Variants in IREB2 observed in about 807,000 individuals in gnomAD.
The protein encoded by IREB2 is iron-responsive element-binding protein 2.
A neutral mutation model predicts 118.8 loss-of-function variants in IREB2; 39 were observed. That is an observed-to-expected ratio of 0.33 (90% CI 0.25 to 0.43). The LOEUF (loss-of-function observed/expected upper bound fraction) is 0.43. Among genes scored for constraint, IREB2 ranks in the 20% least tolerant of loss-of-function variants. The pLI is 1.00. For missense variants in IREB2, 900 were observed against 1,147.3 expected (o/e 0.78, Z 3.11); for synonymous variants, 372 against 392.2 (o/e 0.95, Z 0.61).
In IREB2 at chr15:78,500,154, T is replaced by C. The variant is rs899633198; in HGVS notation, c.*2011T>C. The C allele has an allele frequency of 6.6e-6, 1 of 152,114 alleles. No individual in the cohort carries two copies. 9.4% of individuals were successfully genotyped at this position (152,114 alleles called of 1,614,324 possible). A position where few individuals can be genotyped will look rare whatever the true frequency, so the allele number is the denominator to read the frequency against. On this transcript the variant is annotated 3_prime_UTR_variant, in exon 22 of 22. Coordinates refer to ENST00000258886, the MANE Select transcript of IREB2 (RefSeq NM_004136.4). The stretch of plus-strand genomic sequence containing the variant: ...TGTGAGCCACCACACCCGGCCTATA[T>C]TGTTTTGAAAGCATACTCTATATAT...
At chr15:78,477,962 C>G (rs1370572259) in intron 9 of IREB2, among the ~76,000 whole-genome samples, 1 of 151,662 alleles carries the variant, frequency 6.6e-6, no homozygotes, top group African/African-American at 2.4e-5. Context: ...TGGCTCATAC[C>G]CATAATTCCA....
At chr15:78,494,627 G>A (rs2051808798) in intron 20 of IREB2, among the ~76,000 whole-genome samples, 1 of 152,168 alleles carries the variant, frequency 6.6e-6, no homozygotes, top group African/African-American at 2.4e-5. Flanking sequence ...AGACTGGAGT[G>A]CAGTGGCGCA....
intron 10 of IREB2, among the ~76,000 whole-genome samples, chr15:78,479,028 C>T (rs770658667): frequency 7.1e-4 from 108 of 152,204 alleles, no homozygotes; most frequent in Admixed American, 5.2e-4. Flanking sequence ...GCCTCAACCT[C>T]TGTGCTCAAG....
chr15:78,501,330 T>G lies in IREB2; in HGVS notation c.*3187T>G, dbSNP rs989088435. The G allele has an allele frequency of 6.6e-6, 1 of 152,572 alleles. No homozygotes were observed. Among genetic ancestry groups the G allele is most frequent in the East Asian group, 1.9e-4 (1 of 5,190 alleles). 9.5% of individuals were successfully genotyped at this position (152,572 alleles called of 1,614,324 possible). A position where few individuals can be genotyped will look rare whatever the true frequency, so the allele number is the denominator to read the frequency against. On this transcript the variant is annotated 3_prime_UTR_variant, in exon 22 of 22. Transcript: ENST00000258886. ...AAAGCCAACAAAACAGTGTAACAGT[T>G]TTAAGTTCAATAATGTTAAGTATTG... is the stretch of plus-strand genomic sequence containing the variant.
intron 16 of IREB2, among the ~76,000 whole-genome samples, chr15:78,489,235 A>G (rs560008184): frequency 2.1e-4 from 32 of 152,028 alleles, no homozygotes; most frequent in African/African-American, 4.6e-4. Context: ...AAAAAAAAAA[A>G]AAAGAAAGAA....
chr15:78,488,093 A>C, intron 14 of IREB2, 87 bp from the exon 15 acceptor site: 1 of 1,293,972 alleles, frequency 7.7e-7, no homozygotes, highest in Non-Finnish European at 1.1e-6. Context: ...TCGCCCTCAG[A>C]CTTTAAGATT....
At chr15:78,482,004 G>C (rs905959443) in intron 10 of IREB2, among the ~76,000 whole-genome samples, 2 of 152,214 alleles carry the variant, frequency 1.3e-5, no homozygotes, top group Non-Finnish European at 2.9e-5. Flanking sequence ...CACTTTGGGA[G>C]GCTGAGGCGG....
chr15:78,465,158 CTTTTTAAAA>C, intron 3 of IREB2, 84 bp from the exon 4 acceptor site: 1 of 1,031,608 alleles, frequency 9.7e-7, no homozygotes, highest in Admixed American at 2.9e-5. Context: ...GACAGGGATA[CTTTTTAAAA>C]TATGAAAATG....
rs376486955 is a variant in IREB2, at chr15:78,498,040, C to G, written c.2789C>G (p.Thr930Ser). Residue 930 changes from threonine (T) to serine (S), a missense_variant, in exon 22 of 22, where the codon ACT becomes AGT. Thr to Ser is a moderately conservative substitution (Grantham distance 58). Transcript: ENST00000258886. ...PGITLNIQTS[T>S]GKVFSVIASF... is the part of the protein sequence containing the mutation. ...GTTTTTGCTCCTTTCAAGACAAGCA[C>G]TGGAAAAGTATTCAGCGTGATTGCT... The G allele has an allele frequency of 3.9e-5, 62 of 1,605,704 alleles. 1 individual carries two copies. Among genetic ancestry groups the G allele is most frequent in the East Asian group, 2.7e-4 (12 of 44,806 alleles).
chr15:78,496,311 A>C (rs1413476123), intron 20 of IREB2, among the ~76,000 whole-genome samples: 3 of 152,186 alleles, frequency 2.0e-5, no homozygotes, highest in Admixed American at 2.0e-4. Context: ...TCTGTCGTCC[A>C]GGCTGGAATG....
chr15:78,438,077 G>C, upstream of IREB2: 2 of 489,710 alleles, frequency 4.1e-6, no homozygotes, highest in Non-Finnish European at 7.4e-6. Context: ...CAGCGGCGAC[G>C]GCGCGAGAAA....
chr15:78,491,165 T>TA (rs1354557438), intron 18 of IREB2, among the ~76,000 whole-genome samples: 4 of 152,132 alleles, frequency 2.6e-5, no homozygotes, highest in African/African-American at 7.2e-5. Context: ...TTATGGGCTA[T>TA]AACATGTACG....
At chr15:78,446,998 T>C (rs1419011105) in intron 2 of IREB2, among the ~76,000 whole-genome samples, 1 of 152,164 alleles carries the variant, frequency 6.6e-6, no homozygotes, top group Non-Finnish European at 1.5e-5. Context: ...AAAAACTTTC[T>C]TCTACATTAA....
upstream of IREB2, chr15:78,437,850 G>A (rs1235997459): frequency 6.1e-6 from 1 of 163,474 alleles, no homozygotes; most frequent in Non-Finnish European, 1.4e-5. Context: ...TTTATAGTTA[G>A]GGGAAAGCGG....
chr15:78,482,770 C>A (rs1380189921), intron 10 of IREB2, among the ~76,000 whole-genome samples: 1 of 147,952 alleles, frequency 6.8e-6, no homozygotes, highest in East Asian at 2.0e-4. Context: ...TTTTTTGAGA[C>A]GGAGTCTCGC....
chr15:78,444,471 C>T (rs2050896055), intron 2 of IREB2, among the ~76,000 whole-genome samples: 1 of 152,042 alleles, frequency 6.6e-6, no homozygotes, highest in Admixed American at 6.6e-5. Flanking sequence ...TATCTCAGGT[C>T]ATCTTATTCA....
chr15:78,463,064 C>A lies in IREB2; in HGVS notation c.249C>A (p.Ala83=), dbSNP rs763755538. 22 of 1,603,648 alleles carry A rather than the reference C, an allele frequency of 1.4e-5. No individual in the cohort carries two copies. Among genetic ancestry groups the A allele is most frequent in the Middle Eastern group, 3.3e-4 (2 of 6,012 alleles). Residue 83 remains alanine (A), a synonymous_variant, in exon 3 of 22, where the codon GCC becomes GCA. Transcript: ENST00000258886. ...ATGTTGAAGTGCCCTTTTTCCCTGCCCGTGTTCTTCTTCAAGATTTTACGT... is the reference window on the plus strand; with the variant it reads ...ATGTTGAAGTGCCCTTTTTCCCTGCACGTGTTCTTCTTCAAGATTTTACGT... ...QSNVEVPFFP[A]RVLLQDFTGI... is the part of the protein sequence containing the mutation.
chr15:78,466,905 C>A (rs776489580), intron 5 of IREB2, among the ~76,000 whole-genome samples: 2 of 151,830 alleles, frequency 1.3e-5, no homozygotes, highest in African/African-American at 2.4e-5. Context: ...GGTTTCTTAT[C>A]TTTTCCTATT....
chr15:78,465,227 ATT>A, intron 3 of IREB2, 22 bp from the exon 4 acceptor site: 1 of 1,588,178 alleles, frequency 6.3e-7, no homozygotes. Flanking sequence ...TTGGACTATA[ATT>A]TGACCATTCT....
Sources: gnomAD v4.1 joint callset for allele counts (sites outside exome capture counted in the v4.1 genomes callset) on GRCh38, gnomAD v4.1.1 for gene constraint, MANE v1.5 for transcripts, NCBI Gene and HGNC (gene_info 2026-07-23, HGNC 2026-07-21) for gene names.